Variants in DMXL1 observed in about 807,000 individuals in gnomAD.
DMXL1 encodes the protein dmX-like protein 1.
DMXL1 carries 99 observed loss-of-function variants against 319.2 expected under a neutral mutation model. The ratio of observed to expected loss-of-function variants is 0.31; its 90% CI spans 0.26 to 0.37. The LOEUF (loss-of-function observed/expected upper bound fraction) is 0.37. Among genes scored for constraint, DMXL1 ranks in the 10% least tolerant of loss-of-function variants. DMXL1 has a pLI of 1.00. For synonymous variants in DMXL1, 1,385 were observed against 1,235.2 expected (o/e 1.12, Z -2.54); for missense variants, 3,745 against 3,595.6 (o/e 1.04, Z -1.06).
Position 119,071,197 on chromosome 5 carries a change from G to A in DMXL1, c.-373G>A, listed in dbSNP as rs564032367. The A allele has an allele frequency of 5.5e-4, 146 of 265,446 alleles. No individual in the cohort carries two copies. The highest frequency in any genetic ancestry group is 4.1e-4 in the Non-Finnish European group (56 of 136,682). The allele number at this position is 265,446 out of a possible 1,614,324, so 16.4% of individuals were successfully genotyped here. A position where few individuals can be genotyped will look rare whatever the true frequency, so the allele number is the denominator to read the frequency against. ...CGTACTGCTTGCGCCACTCGGGCTG[G>A]GTCAGGAGCGGCTGCCCGAGGTCCA... On this transcript the variant is annotated 5_prime_UTR_variant, in exon 1 of 44. Transcript: ENST00000539542.
chr5:119,150,948 CT>C (rs1173481705), intron 18 of DMXL1, among the ~76,000 whole-genome samples: 1 of 151,338 alleles, frequency 6.6e-6, no homozygotes, highest in African/African-American at 2.4e-5. Context: ...TGCACAAAGA[CT>C]CGTTATGCTG....
intron 43 of DMXL1, among the ~76,000 whole-genome samples, chr5:119,245,634 G>T (rs925705823): frequency 1.3e-5 from 2 of 151,508 alleles, no homozygotes; most frequent in Admixed American, 6.6e-5. Context: ...CCACCTCCCG[G>T]GTTCAAGCGA....
At chr5:119,226,524 T>A (rs1364246942) in intron 38 of DMXL1, among the ~76,000 whole-genome samples, 5 of 152,186 alleles carry the variant, frequency 3.3e-5, no homozygotes, top group Non-Finnish European at 7.4e-5. Flanking sequence ...TCATGTACAG[T>A]TCTGATACCA....
intron 1 of DMXL1, among the ~76,000 whole-genome samples, chr5:119,090,656 G>A (rs1422795725): frequency 4.0e-5 from 6 of 148,792 alleles, no homozygotes; most frequent in Non-Finnish European, 8.9e-5. Flanking sequence ...TCTGCCTCCC[G>A]TGTTCAAGCG....
chr5:119,204,770 G>A (rs1225562282), intron 33 of DMXL1, among the ~76,000 whole-genome samples: 1 of 152,172 alleles, frequency 6.6e-6, no homozygotes, highest in African/African-American at 2.4e-5. Flanking sequence ...CACATTTTGA[G>A]TAGCATTGAA....
chr5:119,113,696 G>A (rs954100196), intron 5 of DMXL1, among the ~76,000 whole-genome samples: 1 of 152,166 alleles, frequency 6.6e-6, no homozygotes, highest in African/African-American at 2.4e-5. Flanking sequence ...AAAGGATGTG[G>A]TGGTACTGGT....
chr5:119,114,586 A>G, intron 6 of DMXL1, 45 bp downstream of exon 6: 1 of 1,254,166 alleles, frequency 8.0e-7, no homozygotes, highest in Non-Finnish European at 1.1e-6. Context: ...TTTATAGTTT[A>G]CTTTGAAACT....
Position 119,082,129 on chromosome 5 carries a change from A to G in DMXL1, c.87+10473A>G, listed in dbSNP as rs538526639. Reference sequence around the variant, plus strand: ...ATTTTATTTATTTTTAATTTTTTTTAGAGACAGAGTCTTACAGTGTTTCCC... The same window carrying G: ...ATTTTATTTATTTTTAATTTTTTTTGGAGACAGAGTCTTACAGTGTTTCCC... On this transcript the variant is annotated intron_variant, in intron 1 of 43. Transcript: ENST00000539542. 9.9e-5 allele frequency among the ~76,000 whole-genome samples: 15 copies of G among 151,560 alleles called. 1 individual carries two copies. In the South Asian group the frequency reaches 2.9e-3, roughly 29 times the overall value.
intron 13 of DMXL1, among the ~76,000 whole-genome samples, chr5:119,135,112 A>G (rs1394157436): frequency 6.6e-6 from 1 of 152,180 alleles, no homozygotes; most frequent in Non-Finnish European, 1.5e-5. Flanking sequence ...TTAATGCATA[A>G]TTTTGCAGAA....
intron 14 of DMXL1, among the ~76,000 whole-genome samples, chr5:119,144,265 C>T (rs531549314): frequency 6.6e-6 from 1 of 151,694 alleles, no homozygotes; most frequent in Admixed American, 6.6e-5. Flanking sequence ...GAAAAGAAAA[C>T]TAGGTTCCAA....
chr5:119,169,093 G>A (rs906491070), intron 23 of DMXL1, among the ~76,000 whole-genome samples: 8 of 151,814 alleles, frequency 5.3e-5, no homozygotes, highest in African/African-American at 1.9e-4. Flanking sequence ...TGCTGGAGAT[G>A]GGGTTTCACC....
At chr5:119,173,776 G>GTGTGTA in intron 25 of DMXL1, among the ~76,000 whole-genome samples, 1 of 67,170 alleles carries the variant, frequency 1.5e-5, no homozygotes, top group South Asian at 5.4e-4. Flanking sequence ...ATGTGTGTGT[G>GTGTGTA]TATATATATA....
At chr5:119,211,890 G>A (rs1471023080) in intron 34 of DMXL1, among the ~76,000 whole-genome samples, 1 of 152,056 alleles carries the variant, frequency 6.6e-6, no homozygotes, top group Non-Finnish European at 1.5e-5. Context: ...GTAAAATTAG[G>A]GCTGATAATT....
At chr5:119,137,013 G>C (rs1191295202) in intron 13 of DMXL1, among the ~76,000 whole-genome samples, 2 of 152,224 alleles carry the variant, frequency 1.3e-5, no homozygotes, top group South Asian at 2.1e-4. Context: ...TCCACTGACA[G>C]TTTGCACCAT....
intron 1 of DMXL1, among the ~76,000 whole-genome samples, chr5:119,082,360 A>C (rs1053129752): frequency 1.3e-5 from 2 of 151,906 alleles, no homozygotes; most frequent in Non-Finnish European, 2.9e-5. Flanking sequence ...TGTAGCTTCA[A>C]CTTCCTTGGC....
chr5:119,094,085 C>T (rs577213891), intron 1 of DMXL1, among the ~76,000 whole-genome samples: 240 of 152,300 alleles, frequency 1.6e-3, no homozygotes, highest in Non-Finnish European at 2.6e-3. Flanking sequence ...GAAGATCTAG[C>T]TGAGATAATT....
intron 8 of DMXL1, among the ~76,000 whole-genome samples, chr5:119,120,195 G>C (rs1028619263): frequency 3.3e-5 from 5 of 152,150 alleles, no homozygotes; most frequent in Non-Finnish European, 7.3e-5. Flanking sequence ...CACCATGCCC[G>C]GCCCTGAAAA....
chr5:119,244,967 C>T (rs1443102869), intron 43 of DMXL1, among the ~76,000 whole-genome samples: 2 of 152,070 alleles, frequency 1.3e-5, no homozygotes, highest in African/African-American at 4.8e-5. Flanking sequence ...TTATCTAGTC[C>T]CTCAGTGCCT....
intron 19 of DMXL1, among the ~76,000 whole-genome samples, chr5:119,156,273 A>C (rs535185565): frequency 2.0e-5 from 3 of 152,336 alleles, no homozygotes; most frequent in Non-Finnish European, 4.4e-5. Context: ...TTTAGCAATG[A>C]TGTATTTTTT....
Sources: gnomAD v4.1 joint callset for allele counts (sites outside exome capture counted in the v4.1 genomes callset) on GRCh38, gnomAD v4.1.1 for gene constraint, MANE v1.5 for transcripts, NCBI Gene and HGNC (gene_info 2026-07-23, HGNC 2026-07-21) for gene names.